SPAG17: variants seen among roughly 807,000 people sequenced by gnomAD.
SPAG17 encodes sperm associated antigen 17, also known as sperm-associated antigen 17.
In SPAG17, 169 loss-of-function variants were observed where a neutral mutation model predicts 273.6. The observed-to-expected ratio is 0.62, with a 90% CI of 0.55 to 0.70. The LOEUF (loss-of-function observed/expected upper bound fraction) is 0.70, where lower values mean the gene tolerates loss of function less well. SPAG17 is among the 30% of genes least tolerant of loss of function. SPAG17 has a pLI of 0.00. For synonymous variants in SPAG17, 825 were observed against 873.2 expected, an observed-to-expected ratio of 0.94 and a Z score of 0.97; for missense variants, 2,557 against 2,627.8, an observed-to-expected ratio of 0.97 and a Z score of 0.59.
intron 1 of SPAG17, among the ~76,000 whole-genome samples, chr1:118,170,854 G>C (rs1390745714): frequency 6.6e-6 from 1 of 152,186 alleles, no homozygotes; most frequent in Non-Finnish European, 1.5e-5. Flanking sequence ...TGGTTATCTT[G>C]TGGGATATCC....
At chr1:118,090,967 T>C (rs1369790944) in intron 10 of SPAG17, among the ~76,000 whole-genome samples, 3 of 151,746 alleles carry the variant, frequency 2.0e-5, no homozygotes, top group African/African-American at 7.3e-5. Context: ...AGTAAAAAGG[T>C]GTTGATCAAT....
chr1:117,983,942 CT>C, intron 41 of SPAG17, 29 bp from the exon 42 acceptor site: 1 of 1,193,510 alleles, frequency 8.4e-7, no homozygotes, highest in Non-Finnish European at 1.2e-6. Flanking sequence ...TTATTTTAGA[CT>C]TATACATGGC....
chr1:118,054,914 T>C (rs1651490871), intron 19 of SPAG17, among the ~76,000 whole-genome samples: 1 of 152,100 alleles, frequency 6.6e-6, no homozygotes, highest in Non-Finnish European at 1.5e-5. Flanking sequence ...GTTGCCAAAA[T>C]TTTGGAAATT....
chr1:118,082,081 G>C (rs1185527425), intron 13 of SPAG17, among the ~76,000 whole-genome samples: 1 of 152,114 alleles, frequency 6.6e-6, no homozygotes, highest in African/African-American at 2.4e-5. Flanking sequence ...ATTGATTTGG[G>C]CTCAGGAAAG....
At chr1:118,114,967 C>T (rs376993419) in intron 4 of SPAG17, among the ~76,000 whole-genome samples, 3 of 152,252 alleles carry the variant, frequency 2.0e-5, no homozygotes, top group Non-Finnish European at 2.9e-5. Context: ...AGGGTTCCCC[C>T]CAACTGTCCT....
At chr1:118,031,275 C>T (rs1178631877) in intron 25 of SPAG17, among the ~76,000 whole-genome samples, 2 of 141,688 alleles carry the variant, frequency 1.4e-5, no homozygotes, top group Admixed American at 1.5e-4. Flanking sequence ...CTAAGACCAA[C>T]TTTACCAAAT....
intron 38 of SPAG17, among the ~76,000 whole-genome samples, chr1:117,989,293 C>A (rs1229707793): frequency 6.6e-6 from 1 of 152,090 alleles, no homozygotes; most frequent in Non-Finnish European, 1.5e-5. Flanking sequence ...AAGCATGGTG[C>A]GGTCATCTGC....
At chr1:118,163,324 G>A (rs1004900594) in intron 1 of SPAG17, among the ~76,000 whole-genome samples, 1 of 152,074 alleles carries the variant, frequency 6.6e-6, no homozygotes, top group African/African-American at 2.4e-5. Context: ...ACGAGCAGAG[G>A]TCACTTGAAG....
chr1:118,064,548 GACACAGGAAGGGGAACATCACAC>G lies in SPAG17; in HGVS notation c.2540+2174_2540+2196del, dbSNP rs1180430459. 4.1e-4 allele frequency among the ~76,000 whole-genome samples: 56 copies of G among 137,376 alleles called. 2 individuals carry two copies. Among genetic ancestry groups the G allele is most frequent in the East Asian group, 4.5e-4 (2 of 4,460 alleles). 90.1% of individuals were successfully genotyped at this position (137,376 alleles called of 152,430 possible). A position where few individuals can be genotyped will look rare whatever the true frequency, so the allele number is the denominator to read the frequency against. On this transcript the variant is annotated intron_variant, in intron 18 of 48. Transcript: ENST00000336338. ...CGGAATTGAACAATGAGAACACATG[GACACAGGAAGGGGAACATCACAC>G]TTTGGGGCCTGTTGTGGGGTGGGGG...
At chr1:118,102,563 T>C (rs910693797) in intron 4 of SPAG17, among the ~76,000 whole-genome samples, 4 of 152,202 alleles carry the variant, frequency 2.6e-5, no homozygotes, top group African/African-American at 9.6e-5. Flanking sequence ...CCTTCAAAGA[T>C]GGGGTCAGAA....
intron 4 of SPAG17, among the ~76,000 whole-genome samples, chr1:118,114,262 G>C (rs1454276131): frequency 6.6e-6 from 1 of 152,064 alleles, no homozygotes; most frequent in Admixed American, 6.6e-5. Flanking sequence ...ATGTTAATAT[G>C]AATAGAATTT....
intron 46 of SPAG17, among the ~76,000 whole-genome samples, chr1:117,969,345 C>T (rs1273544266): frequency 6.6e-6 from 1 of 151,958 alleles, no homozygotes; most frequent in African/African-American, 2.4e-5. Flanking sequence ...CTTTGAGAGG[C>T]CAAGGCGGGT....
intron 1 of SPAG17, among the ~76,000 whole-genome samples, chr1:118,174,805 G>T (rs1660608766): frequency 6.6e-6 from 1 of 152,154 alleles, no homozygotes; most frequent in African/African-American, 2.4e-5. Context: ...AAGGCACTGG[G>T]ATGATATATT....
chr1:118,130,900 T>C (rs1388632999), intron 3 of SPAG17, among the ~76,000 whole-genome samples: 3 of 152,190 alleles, frequency 2.0e-5, no homozygotes, highest in African/African-American at 4.8e-5. Flanking sequence ...GGTTAAATAG[T>C]GGTGGTACTA....
chr1:118,126,880 A>C (rs1657766644), intron 3 of SPAG17, among the ~76,000 whole-genome samples: 1 of 134,128 alleles, frequency 7.5e-6, no homozygotes, highest in Non-Finnish European at 1.7e-5. Context: ...TGAGAGAAAG[A>C]GGTCTACTTT....
rs1207965049 is a variant in SPAG17 at position 118,089,354 on chromosome 1, T to TGTGTGTGTGTGTGTGTGTGTGTGTGTGA, written c.1359+2251_1359+2252insTCACACACACACACACACACACACACAC. 3.0e-3 allele frequency among the ~76,000 whole-genome samples: 450 copies of TGTGTGTGTGTGTGTGTGTGTGTGTGTGA among 150,722 alleles called. 6 individuals are homozygous for TGTGTGTGTGTGTGTGTGTGTGTGTGTGA. Among genetic ancestry groups the TGTGTGTGTGTGTGTGTGTGTGTGTGTGA allele is most frequent in the East Asian group, 0.02 (100 of 4,982 alleles). ...TGACGTGTGTGTGTGTGTGTGTGTG[T>TGTGTGTGTGTGTGTGTGTGTGTGTGTGA]GGTGGCAGGTAGGAGGTGAGATGAC... On this transcript the variant is annotated intron_variant, in intron 10 of 48. Transcript: ENST00000336338.
chr1:117,979,175 C>G (rs1438584159), intron 43 of SPAG17, among the ~76,000 whole-genome samples: 2 of 152,018 alleles, frequency 1.3e-5, no homozygotes, highest in Admixed American at 1.3e-4. Flanking sequence ...GGCCTACTGG[C>G]GTCTTCTTAA....
chr1:117,960,619 A>G (rs1244099818), intron 48 of SPAG17: 1 of 152,226 alleles, frequency 6.6e-6, no homozygotes, highest in African/African-American at 2.4e-5. Flanking sequence ...ACAGGTGATT[A>G]GTGTCACAGC....
At chr1:118,039,547 A>C (rs1649495998) in intron 22 of SPAG17, 103 bp from the exon 23 acceptor site, 1 of 1,194,442 alleles carries the variant, frequency 8.4e-7, no homozygotes, top group Middle Eastern at 2.0e-4. Flanking sequence ...ACACACGAAC[A>C]GAAAACCAAA....
Sources: gnomAD v4.1 joint callset for allele counts (sites outside exome capture counted in the v4.1 genomes callset) on GRCh38, gnomAD v4.1.1 for gene constraint, MANE v1.5 for transcripts, NCBI Gene and HGNC (gene_info 2026-07-23, HGNC 2026-07-21) for gene names.